Variants in NUAK2 observed in about 807,000 individuals in gnomAD.
The protein encoded by NUAK2 is NUAK family kinase 2.
A neutral mutation model predicts 29.8 loss-of-function variants in NUAK2; 20 were observed. The observed-to-expected ratio is 0.67, with a 90% CI of 0.47 to 0.98. The LOEUF (loss-of-function observed/expected upper bound fraction) is 0.98. NUAK2 is among the 50% of genes least tolerant of loss of function. The probability of loss-of-function intolerance (pLI) is 0.00; values close to 1 mark genes in which losing one functional copy is unlikely to be tolerated. For synonymous variants in NUAK2, 331 were observed against 342.6 expected (o/e 0.97, Z 0.37); for missense variants, 719 against 834.5 (o/e 0.86, Z 1.71).
rs544999924 is a variant in NUAK2, at chr1:205,321,630, G to A, written c.-2C>T. The stretch of plus-strand genomic sequence containing the variant: ...CCGCGCGAAAACCAGCGACTCCATG[G>A]CGAGCAGGAGGTGAGCAAGGGCGGC... On this transcript the variant is annotated 5_prime_UTR_variant, in exon 1 of 7. Coordinates refer to ENST00000367157, the MANE Select transcript of NUAK2 (RefSeq NM_030952.3). The A allele has an allele frequency of 1.6e-5, 26 of 1,607,734 alleles. No homozygotes were observed. In the South Asian group the frequency reaches 2.8e-4, roughly 17 times the overall value.
intron 1 of NUAK2, among the ~76,000 whole-genome samples, chr1:205,315,438 G>A (rs907042914): frequency 6.6e-6 from 1 of 152,232 alleles, no homozygotes; most frequent in African/African-American, 2.4e-5. Context: ...ACCTTTGACT[G>A]AGATGGGAGC....
Position 205,321,453 on chromosome 1 carries a change from A to G in NUAK2, c.176T>C (p.Leu59Pro). Reference sequence around the variant, plus strand: ...CACCTTCCCGTAGGTGCCTTTGCCCAGGGTCTCCAGGAACTCGTAGCGGTG... The same window carrying G: ...CACCTTCCCGTAGGTGCCTTTGCCCGGGGTCTCCAGGAACTCGTAGCGGTG... ...LRHRYEFLET[L>P]GKGTYGKVKK... The change falls in exon 1 of 7, where the codon CTG becomes CCG. Residue 59 changes from leucine to proline, a missense_variant. By Grantham distance (98) the Leu-to-Pro change is moderately conservative. Transcript: ENST00000367157. 1 of 1,613,938 alleles carries G rather than the reference A, an allele frequency of 6.2e-7. No individual in the cohort carries two copies. Among genetic ancestry groups the G allele is most frequent in the Non-Finnish European group, 8.5e-7 (1 of 1,179,874 alleles).
chr1:205,312,567 A>C (rs2102255220), intron 1 of NUAK2, among the ~76,000 whole-genome samples: 1 of 152,348 alleles, frequency 6.6e-6, no homozygotes, highest in African/African-American at 2.4e-5. Flanking sequence ...TTGGGAAGCC[A>C]AGTCAGGAGG....
At chr1:205,311,876 C>T (rs2102254533) in intron 1 of NUAK2, 51 bp from the exon 2 acceptor site, 1 of 1,607,988 alleles carries the variant, frequency 6.2e-7, no homozygotes, top group Non-Finnish European at 8.5e-7. Flanking sequence ...AGAGGACACT[C>T]TGGGGGCCCT....
intron 1 of NUAK2, among the ~76,000 whole-genome samples, chr1:205,315,539 C>T (rs561119840): frequency 6.6e-6 from 1 of 152,274 alleles, no homozygotes; most frequent in East Asian, 1.9e-4. Context: ...CCTTTGTTCT[C>T]ATCTGCAAGA....
chr1:205,318,257 G>T (rs557733825), intron 1 of NUAK2, among the ~76,000 whole-genome samples: 19 of 152,200 alleles, frequency 1.2e-4, no homozygotes, highest in Non-Finnish European at 2.4e-4. Flanking sequence ...GTGGGGGTTG[G>T]TTCCCAGTGA....
intron 1 of NUAK2, among the ~76,000 whole-genome samples, chr1:205,320,706 C>T (rs11240412): frequency 0.3 from 46,281 of 152,048 alleles, 7,593 homozygotes; most frequent in African/African-American, 0.4. Flanking sequence ...AAGGAAATTG[C>T]CCAAGGTCAC....
chr1:205,319,414 T>C (rs1413847991), intron 1 of NUAK2, among the ~76,000 whole-genome samples: 1 of 152,104 alleles, frequency 6.6e-6, no homozygotes, highest in Non-Finnish European at 1.5e-5. Flanking sequence ...ATCTCTCTCT[T>C]ACTCTCTCTC....
chr1:205,321,446 T>G lies in NUAK2; in HGVS notation c.183A>C (p.Lys61Asn). The change falls in exon 1 of 7, where the codon AAA (lysine) becomes AAC (asparagine). Residue 61 changes from lysine to asparagine, a missense_variant. By Grantham distance (94) the Lys-to-Asn change is moderately conservative. Around this residue, in one of 3 missense-constraint regions of NUAK2, gnomAD observed 283 missense variants for 345.6 expected, o/e 0.82. Coordinates refer to ENST00000367157, the MANE Select transcript of NUAK2 (RefSeq NM_030952.3). ...CCTTCTTCACCTTCCCGTAGGTGCC[T>G]TTGCCCAGGGTCTCCAGGAACTCGT... The part of the protein sequence containing the change: ...HRYEFLETLG[K>N]GTYGKVKKAR... 1 of 1,613,958 alleles carries G rather than the reference T, an allele frequency of 6.2e-7. No homozygotes were observed.
intron 5 of NUAK2, chr1:205,305,607 A>G (rs1260293067): frequency 1.4e-6 from 1 of 730,808 alleles, no homozygotes; most frequent in Non-Finnish European, 1.7e-6. Flanking sequence ...AGGAGGCTGG[A>G]CTGGGTGCTG....
Position 205,305,240 on chromosome 1 carries a change from T to A in NUAK2, c.782A>T (p.Gln261Leu), listed in dbSNP as rs1662163497. ...CTCCCGGTAGGCCCCGTTGCTGATCTGTTTCACTAGGATCTTATGGTCATG... is the reference window on the plus strand; with the variant it reads ...CTCCCGGTAGGCCCCGTTGCTGATCAGTTTCACTAGGATCTTATGGTCATG... ...DGHDHKILVK[Q>L]ISNGAYREPP... Residue 261 changes from glutamine (Q) to leucine (L), a missense_variant, in exon 6 of 7, where the codon CAG (glutamine) becomes CTG (leucine). Physicochemically the swap from Gln to Leu is moderately radical, Grantham distance 113 (BLOSUM62 -2). This residue lies in a region of NUAK2 where 283 missense variants were observed against 345.6 expected (regional missense o/e 0.82). Transcript: ENST00000367157. 1 of 1,614,230 alleles carries A rather than the reference T, an allele frequency of 6.2e-7. No individual in the cohort carries two copies. Among genetic ancestry groups the A allele is most frequent in the Non-Finnish European group, 8.5e-7 (1 of 1,180,020 alleles).
rs554081896 is a variant in NUAK2 at position 205,315,245 on chromosome 1, C to T, written c.232-3420G>A. Among the ~76,000 whole-genome samples, 23 of 152,350 alleles carry T rather than the reference C, an allele frequency of 1.5e-4. No individual in the cohort carries two copies. The East Asian group carries it at 4.4e-3, about 29-fold the overall frequency. On this transcript the variant is annotated intron_variant, in intron 1 of 6. Transcript: ENST00000367157. The stretch of plus-strand genomic sequence containing the variant: ...TCACCACCCTGGTGGGGCTAGACCA[C>T]TGCTCCCCAGCCTATCCTGGACCCA...
Position 205,303,802 on chromosome 1 carries a change from G to A in NUAK2, c.1535C>T (p.Ala512Val). 3.2e-6 allele frequency: 5 copies of A among 1,587,234 alleles called. No homozygotes were observed. The highest frequency in any genetic ancestry group is 4.3e-6 in the Non-Finnish European group (5 of 1,166,304). Reference protein sequence around the residue: ...LKLNGKFSQTALELAAPTTFG... With the variant: ...LKLNGKFSQTVLELAAPTTFG... Reference sequence around the variant, plus strand: ...GGTGGTGGGGGCCGCGAGCTCCAAGGCTGTCTGGGAGAACTTGCCATTGAG... The same window carrying A: ...GGTGGTGGGGGCCGCGAGCTCCAAGACTGTCTGGGAGAACTTGCCATTGAG... Residue 512 changes from alanine (A) to valine (V), a missense_variant, in exon 7 of 7, where the codon GCC becomes GTC. Ala to Val is a moderately conservative substitution (Grantham distance 64, BLOSUM62 0). Around this residue, in one of 3 missense-constraint regions of NUAK2, gnomAD observed 430 missense variants for 465.7 expected, o/e 0.92. Transcript: ENST00000367157.
intron 1 of NUAK2, among the ~76,000 whole-genome samples, chr1:205,312,599 C>T (rs537765878): frequency 7.9e-5 from 12 of 152,266 alleles, no homozygotes; most frequent in Admixed American, 5.9e-4. Flanking sequence ...GCCAGGAGTT[C>T]GCAACCAGCC....
At chr1:205,315,618 A>G (rs1347813180) in intron 1 of NUAK2, among the ~76,000 whole-genome samples, 1 of 152,166 alleles carries the variant, frequency 6.6e-6, no homozygotes, top group Non-Finnish European at 1.5e-5. Flanking sequence ...CATGCCTATA[A>G]TCTCAGCACT....
intron 2 of NUAK2, 67 bp downstream of exon 2, chr1:205,311,638 T>A (rs1662258638): frequency 6.3e-7 from 1 of 1,589,096 alleles, no homozygotes; most frequent in Non-Finnish European, 8.6e-7. Flanking sequence ...CACATGTACA[T>A]ACGCATGTGA....
rs953103668 is a variant in NUAK2 at position 205,303,889 on chromosome 1, G to C, written c.1448C>G (p.Pro483Arg). ...DAGDVFVSGD[P>R]KEQKPPQASG... ...AGCTTGCGGAGGCTTCTGCTCCTTGGGATCCCCACTCACAAACACGTCGCC... is the reference window on the plus strand; with the variant it reads ...AGCTTGCGGAGGCTTCTGCTCCTTGCGATCCCCACTCACAAACACGTCGCC... The change falls in exon 7 of 7, where the codon CCC (proline) becomes CGC (arginine). Residue 483 changes from proline to arginine, a missense_variant. Pro to Arg is a moderately radical substitution (Grantham distance 103, BLOSUM62 -2). Transcript: ENST00000367157. 5 of 1,613,914 alleles carry C rather than the reference G, an allele frequency of 3.1e-6. No individual in the cohort carries two copies. Among genetic ancestry groups the C allele is most frequent in the Non-Finnish European group, 3.4e-6 (4 of 1,179,982 alleles).
intron 1 of NUAK2, among the ~76,000 whole-genome samples, chr1:205,319,684 G>A (rs1010397626): frequency 6.6e-6 from 1 of 152,202 alleles, no homozygotes; most frequent in African/African-American, 2.4e-5. Flanking sequence ...GAAAAGGCAA[G>A]CCAGGAAGTA....
intron 1 of NUAK2, among the ~76,000 whole-genome samples, chr1:205,316,089 A>T (rs1662324899): frequency 6.6e-6 from 1 of 152,166 alleles, no homozygotes; most frequent in African/African-American, 2.4e-5. Context: ...ATTCAATGAT[A>T]ATAACATAAA....
Sources: gnomAD v4.1 joint callset for allele counts (sites outside exome capture counted in the v4.1 genomes callset) on GRCh38, gnomAD v4.1.1 for gene constraint, gnomAD v4.1.1 regional missense constraint, MANE v1.5 for transcripts, NCBI Gene and HGNC (gene_info 2026-07-23, HGNC 2026-07-21) for gene names.